The following GPM6A variants were observed in gnomAD, a reference collection of about 807,000 sequenced individuals.
GPM6A encodes glycoprotein M6A, also known as neuronal membrane glycoprotein M6-a.
A neutral mutation model predicts 32.1 loss-of-function variants in GPM6A; 7 were observed. The ratio of observed to expected loss-of-function variants is 0.22; its 90% CI spans 0.12 to 0.41. GPM6A has a LOEUF of 0.41. Ranked by LOEUF, GPM6A falls within the 10% of genes least tolerant of loss-of-function variation. GPM6A has a pLI of 1.00. For missense variants in GPM6A, 235 were observed against 347.2 expected (o/e 0.68, Z 2.57); for synonymous variants, 130 against 123.4 (o/e 1.05, Z -0.35).
At chr4:175,711,507 G>A (rs1411749540) in intron 1 of GPM6A, among the ~76,000 whole-genome samples, 3 of 127,456 alleles carry the variant, frequency 2.4e-5, no homozygotes, top group African/African-American at 9.0e-5. Flanking sequence ...TTATATACTT[G>A]TATATATAAA....
chr4:175,934,334 A>G (rs1054272075), intron 1 of GPM6A, among the ~76,000 whole-genome samples: 4 of 152,228 alleles, frequency 2.6e-5, no homozygotes, highest in Non-Finnish European at 5.9e-5. Flanking sequence ...AAAAGGGATT[A>G]TAGCCATGAA....
In GPM6A at chr4:175,769,520, C is replaced by T. The variant is rs183755350; in HGVS notation, c.37+42671G>A. On this transcript the variant is annotated intron_variant, in intron 1 of 6. Transcript: ENST00000393658. ...TCAATGGACCTTTTTGCCCAGGGCCCCCCTGTGACTCATATGTGCTCCATG... is the reference window on the plus strand; with the variant it reads ...TCAATGGACCTTTTTGCCCAGGGCCTCCCTGTGACTCATATGTGCTCCATG... Among the ~76,000 whole-genome samples the T allele has an allele frequency of 5.2e-3, 763 of 145,792 alleles. 4 individuals carry two copies. Among genetic ancestry groups the T allele is most frequent in the African/African-American group, 0.017 (682 of 40,150 alleles).
chr4:175,777,411 G>C (rs1362735385), intron 1 of GPM6A, among the ~76,000 whole-genome samples: 1 of 151,864 alleles, frequency 6.6e-6, no homozygotes, highest in Non-Finnish European at 1.5e-5. Flanking sequence ...TTATCCTATT[G>C]TAAGGTACTC....
chr4:175,681,298 G>A (rs1050212931), intron 2 of GPM6A, among the ~76,000 whole-genome samples: 2 of 152,114 alleles, frequency 1.3e-5, no homozygotes, highest in Non-Finnish European at 2.9e-5. Flanking sequence ...AATCTGATGG[G>A]TGATGAGTGG....
At chr4:175,635,773 T>C (rs2110858801) in intron 6 of GPM6A, among the ~76,000 whole-genome samples, 1 of 152,260 alleles carries the variant, frequency 6.6e-6, no homozygotes, top group South Asian at 2.1e-4. Context: ...TTTTCTTTTC[T>C]TTCTTCCCTC....
At chr4:175,886,300 G>T (rs185170197) in intron 1 of GPM6A, among the ~76,000 whole-genome samples, 243 of 152,222 alleles carry the variant, frequency 1.6e-3, no homozygotes, top group Non-Finnish European at 2.9e-3. Context: ...ATTATAATTA[G>T]ACTGAAAGAA....
chr4:175,876,583 C>A (rs80141704), intron 1 of GPM6A, among the ~76,000 whole-genome samples: 5,726 of 152,092 alleles, frequency 0.038, 369 homozygotes, highest in African/African-American at 0.13. Context: ...CAAATCTGTC[C>A]TGTGGGATGC....
chr4:175,888,811 C>T lies in GPM6A; in HGVS notation c.-22-76562G>A, dbSNP rs570497663. Among the ~76,000 whole-genome samples the T allele has an allele frequency of 1.1e-4, 16 of 152,052 alleles. No homozygotes were observed. The East Asian group carries it at 1.9e-3, about 18-fold the overall frequency. Reference sequence around the variant, plus strand: ...CACTTACTGAATTCCCAAAAGGATTCCAAGGATTCCAAGGATAATATAGTC... The same window carrying T: ...CACTTACTGAATTCCCAAAAGGATTTCAAGGATTCCAAGGATAATATAGTC... On this transcript the variant is annotated intron_variant, in intron 1 of 7. Transcript: ENST00000280187.
At chr4:175,645,931 A>C (rs1297416484) in intron 4 of GPM6A, among the ~76,000 whole-genome samples, 2 of 152,126 alleles carry the variant, frequency 1.3e-5, no homozygotes, top group African/African-American at 4.8e-5. Flanking sequence ...GATTCTAGAG[A>C]CCACCCACTT....
At chr4:175,861,504 C>A (rs1736571865) in intron 1 of GPM6A, among the ~76,000 whole-genome samples, 1 of 151,052 alleles carries the variant, frequency 6.6e-6, no homozygotes, top group Non-Finnish European at 1.5e-5. Flanking sequence ...GTAATCCAAG[C>A]AATTTCAGAA....
At chr4:176,000,722 T>C (rs994344190) in intron 1 of GPM6A, among the ~76,000 whole-genome samples, 14 of 152,164 alleles carry the variant, frequency 9.2e-5, no homozygotes, top group African/African-American at 3.4e-4. Context: ...GAAACAAGAG[T>C]TTATAGGCTC....
At chr4:175,831,963 C>CCCT (rs1435476235) in intron 1 of GPM6A, among the ~76,000 whole-genome samples, 1 of 151,896 alleles carries the variant, frequency 6.6e-6, no homozygotes, top group Non-Finnish European at 1.5e-5. Flanking sequence ...AGGTGATCCA[C>CCCT]CCTCCTCGGC....
At chr4:175,731,547 A>G (rs12507816) in intron 1 of GPM6A, among the ~76,000 whole-genome samples, 7,858 of 152,266 alleles carry the variant, frequency 0.052, 569 homozygotes, top group East Asian at 0.39. Context: ...GCCCAGCACA[A>G]TATCTGGCAC....
chr4:175,778,626 A>G (rs4690413), intron 1 of GPM6A, among the ~76,000 whole-genome samples: 3 of 80,768 alleles, frequency 3.7e-5, no homozygotes, highest in Non-Finnish European at 7.6e-5. Context: ...TCTGTATCCA[A>G]CAAAAAAAAA....
chr4:175,962,976 GA>G (rs1561013639), intron 1 of GPM6A, among the ~76,000 whole-genome samples: 1 of 151,418 alleles, frequency 6.6e-6, no homozygotes, highest in Non-Finnish European at 1.5e-5. Flanking sequence ...CAGAAACTAA[GA>G]AAAAAATCTA....
At chr4:175,791,759 TCACA>T (rs537207132) in intron 1 of GPM6A, among the ~76,000 whole-genome samples, 1 of 151,980 alleles carries the variant, frequency 6.6e-6, no homozygotes, top group African/African-American at 2.4e-5. Context: ...ACCCATTTAT[TCACA>T]CACACACGCA....
At chr4:175,994,238 A>G (rs2333335) in intron 1 of GPM6A, among the ~76,000 whole-genome samples, 4,413 of 152,306 alleles carry the variant, frequency 0.029, 190 homozygotes, top group African/African-American at 0.099. Context: ...GTGACTGATG[A>G]AAAAGAAGAG....
chr4:175,882,188 T>C (rs1199681923), intron 1 of GPM6A, among the ~76,000 whole-genome samples: 1 of 152,012 alleles, frequency 6.6e-6, no homozygotes, highest in Non-Finnish European at 1.5e-5. Context: ...TTGTTTTCCA[T>C]TGTGCCTGAG....
chr4:175,945,397 C>T (rs1207485624), intron 1 of GPM6A, among the ~76,000 whole-genome samples: 1 of 151,818 alleles, frequency 6.6e-6, no homozygotes, highest in Non-Finnish European at 1.5e-5. Flanking sequence ...TTTTTAAAAC[C>T]CCATCTGAAA....
Sources: allele counts gnomAD v4.1 joint callset (sites outside exome capture counted in the v4.1 genomes callset), GRCh38; gene constraint gnomAD v4.1.1; transcripts MANE v1.5; gene names NCBI Gene and HGNC (gene_info 2026-07-23, HGNC 2026-07-21).